SUSD4: variants seen among roughly 807,000 people sequenced by gnomAD.
The protein encoded by SUSD4 is sushi domain-containing protein 4.
A neutral mutation model predicts 50.5 loss-of-function variants in SUSD4; 41 were observed. The ratio of observed to expected loss-of-function variants is 0.81; its 90% CI spans 0.63 to 1.05. The LOEUF (loss-of-function observed/expected upper bound fraction) is 1.05, where lower values mean the gene tolerates loss of function less well. Ranked by LOEUF, SUSD4 falls within the 50% of genes least tolerant of loss-of-function variation. The probability of loss-of-function intolerance (pLI) is 0.00; values close to 1 mark genes in which losing one functional copy is unlikely to be tolerated. For missense variants in SUSD4, 580 were observed against 634.7 expected (o/e 0.91, Z 0.93); for synonymous variants, 257 against 257.3 (o/e 1.00, Z 0.01).
intron 2 of SUSD4, among the ~76,000 whole-genome samples, chr1:223,303,061 T>A (rs1665292056): frequency 6.6e-6 from 1 of 152,108 alleles, no homozygotes; most frequent in Non-Finnish European, 1.5e-5. Context: ...AGTGGGAAGA[T>A]CACTTGAGCC....
intron 2 of SUSD4, among the ~76,000 whole-genome samples, chr1:223,358,501 G>A (rs1348705060): frequency 1.3e-5 from 2 of 152,202 alleles, no homozygotes; most frequent in African/African-American, 2.4e-5. Flanking sequence ...GGCAAGCCTC[G>A]TTGGTCTTTT....
intron 3 of SUSD4, among the ~76,000 whole-genome samples, chr1:223,284,136 C>T (rs2793466): frequency 0.054 from 8,248 of 151,770 alleles, 742 homozygotes; most frequent in African/African-American, 0.19. Flanking sequence ...ATGTAAATGA[C>T]GAGTTAATGG....
chr1:223,331,398 C>T (rs1667162250), intron 2 of SUSD4, among the ~76,000 whole-genome samples: 1 of 152,168 alleles, frequency 6.6e-6, no homozygotes, highest in Admixed American at 6.5e-5. Flanking sequence ...TCTTCTCATT[C>T]CCAGCCAGCT....
At chr1:223,338,725 T>C (rs1024149646) in intron 2 of SUSD4, among the ~76,000 whole-genome samples, 4 of 152,296 alleles carry the variant, frequency 2.6e-5, no homozygotes, top group African/African-American at 9.6e-5. Context: ...AGCTGCAGGG[T>C]GGCTCCAGGC....
At chr1:223,310,192 G>T (rs958037174) in intron 2 of SUSD4, among the ~76,000 whole-genome samples, 10 of 152,180 alleles carry the variant, frequency 6.6e-5, no homozygotes, top group Non-Finnish European at 1.2e-4. Context: ...TGTGGATGCT[G>T]CTCTGTGTGG....
intron 2 of SUSD4, among the ~76,000 whole-genome samples, chr1:223,322,080 C>CATTTTGG (rs1351285827): frequency 6.6e-6 from 1 of 152,270 alleles, no homozygotes; most frequent in African/African-American, 2.4e-5. Context: ...GGTTTCAGAG[C>CATTTTGG]ATTTTGGATT....
At chr1:223,235,897 G>C (rs1182736757) in intron 5 of SUSD4, among the ~76,000 whole-genome samples, 1 of 151,994 alleles carries the variant, frequency 6.6e-6, no homozygotes, top group Non-Finnish European at 1.5e-5. Context: ...AGGATTGCTG[G>C]ATCATGTAAG....
rs764932014 is a variant in SUSD4 at position 223,268,516 on chromosome 1, A to T, written c.521T>A (p.Leu174Gln). 12 of 1,613,528 alleles carry T rather than the reference A, an allele frequency of 7.4e-6. No homozygotes were observed. Among genetic ancestry groups the T allele is most frequent in the East Asian group, 2.2e-5 (1 of 44,896 alleles). ...CAGTCCCGTACCTTGACAGATGGGC[A>T]GATTATTCCACGTTCCATCATCGCG... ...LCRDDGTWNN[L>Q]PICQGCLRPL... The change falls in exon 4 of 9, where the codon CTG becomes CAG. Residue 174 changes from leucine to glutamine, a missense_variant. Transcript: ENST00000366878.
intron 5 of SUSD4, among the ~76,000 whole-genome samples, chr1:223,243,507 A>G (rs1368602584): frequency 6.6e-6 from 1 of 152,132 alleles, no homozygotes. Flanking sequence ...CACAGCACTG[A>G]GGGTGGGTGG....
At chr1:223,364,572 C>A (rs367804976), upstream of SUSD4, among the ~76,000 whole-genome samples, 40 of 150,486 alleles carry the variant, frequency 2.7e-4, 1 homozygote, top group East Asian at 1.4e-3. The surrounding 1 kb of genome is among the most constrained non-coding windows in gnomAD (Gnocchi z 4.5). Flanking sequence ...GCACGCAGCT[C>A]GGTCGCCCCT....
At position 223,231,049 on chromosome 1, in the gene SUSD4, C is replaced by T. The variant is rs747620100; in HGVS notation, c.725-1661G>A. Reference sequence around the variant, plus strand: ...ATTAGTGAGAGCAGGAAGCCACTACCGCTCCTGGGCTGGTGGGATGAAGGG... The same window carrying T: ...ATTAGTGAGAGCAGGAAGCCACTACTGCTCCTGGGCTGGTGGGATGAAGGG... On this transcript the variant is annotated intron_variant, in intron 5 of 8. Coordinates refer to ENST00000366878, the MANE Select transcript of SUSD4 (RefSeq NM_017982.4). The surrounding 1 kb of genome is among the most constrained non-coding windows in gnomAD (Gnocchi z 4.2). Among the ~76,000 whole-genome samples, 2 of 152,146 alleles carry T rather than the reference C, an allele frequency of 1.3e-5. No individual in the cohort carries two copies. The highest frequency in any genetic ancestry group is 2.4e-5 in the African/African-American group (1 of 41,422).
intron 4 of SUSD4, among the ~76,000 whole-genome samples, chr1:223,268,045 A>ATATATATATATATATATATATG (rs1281770379): frequency 3.2e-5 from 2 of 62,582 alleles, no homozygotes. Flanking sequence ...ATATATATAC[A>ATATATATATATATATATATATG]CACACACTGT....
rs770364634 is a variant in SUSD4 at position 223,223,579 on chromosome 1, C to T, written c.1114G>A (p.Val372Met). Residue 372 changes from valine to methionine, a missense_variant, in exon 8 of 9, where the codon GTG (valine) becomes ATG (methionine). Coordinates refer to ENST00000366878, the MANE Select transcript of SUSD4 (RefSeq NM_017982.4). ...TCATAGGACGGGAGCATGACGGGCA[C>T]GCCGTCTACCACCACAAAGTCAGGG... ...SDPDFVVVDG[V>M]PVMLPSYDEA... is the part of the protein sequence containing the mutation. 20 of 1,612,908 alleles carry T rather than the reference C, an allele frequency of 1.2e-5. No homozygotes were observed. Among genetic ancestry groups the T allele is most frequent in the South Asian group, 4.4e-5 (4 of 90,976 alleles).
At position 223,222,232 on chromosome 1, in the gene SUSD4, G is replaced by GA. The variant is rs1241951666; in HGVS notation, c.1445-13dup. On this transcript the variant is annotated splice_polypyrimidine_tract_variant and intron_variant, in intron 8 of 8. Coordinates refer to ENST00000366878, the MANE Select transcript of SUSD4 (RefSeq NM_017982.4). ...CATTAGAGGAATCTCTGTAAAAGAA[G>GA]AGACGGTTATTAGCTTAACATAACC... The GA allele has an allele frequency of 1.9e-6, 3 of 1,613,288 alleles. No individual in the cohort carries two copies. Among genetic ancestry groups the GA allele is most frequent in the Admixed American group, 3.3e-5 (2 of 59,842 alleles).
intron 5 of SUSD4, among the ~76,000 whole-genome samples, chr1:223,246,978 G>C (rs1660980329): frequency 6.6e-6 from 1 of 152,188 alleles, no homozygotes; most frequent in Admixed American, 6.5e-5. Flanking sequence ...AATGTACAAT[G>C]AATGAATACT....
intron 3 of SUSD4, 109 bp downstream of exon 3, chr1:223,292,330 G>GC (rs1313555794): frequency 1.7e-6 from 2 of 1,209,498 alleles, no homozygotes; most frequent in African/African-American, 3.0e-5. Context: ...GTGCAGCCCT[G>GC]CATCAGAGAG....
chr1:223,236,305 C>T (rs1237797083), intron 5 of SUSD4, among the ~76,000 whole-genome samples: 2 of 152,152 alleles, frequency 1.3e-5, no homozygotes, highest in Non-Finnish European at 2.9e-5. Flanking sequence ...GGCTTGTCTT[C>T]TCATTCTGTT....
intron 2 of SUSD4, among the ~76,000 whole-genome samples, chr1:223,296,405 T>C (rs61838196): frequency 0.015 from 2,332 of 152,102 alleles, 32 homozygotes; most frequent in Non-Finnish European, 0.024. Context: ...GAGTTCAGTG[T>C]GGAGTGTGGT....
intron 5 of SUSD4, 44 bp downstream of exon 5, chr1:223,264,586 T>C: frequency 2.5e-6 from 4 of 1,606,674 alleles, no homozygotes; most frequent in Non-Finnish European, 3.4e-6. Context: ...CTTCCTCCCT[T>C]TAATAATACA....
Sources: allele counts gnomAD v4.1 joint callset (sites outside exome capture counted in the v4.1 genomes callset), GRCh38; gene constraint gnomAD v4.1.1; non-coding constraint Gnocchi (gnomAD v3.1); transcripts MANE v1.5; gene names NCBI Gene and HGNC (gene_info 2026-07-23, HGNC 2026-07-21).